The following CDH4 variants were observed in gnomAD, a reference collection of about 807,000 sequenced individuals.
CDH4 encodes cadherin-4.
CDH4 carries 33 observed loss-of-function variants against 86.0 expected under a neutral mutation model. The observed-to-expected ratio is 0.38, with a 90% CI of 0.29 to 0.51. The LOEUF is 0.51. CDH4 is among the 20% of genes least tolerant of loss of function. The pLI is 0.86. For missense variants in CDH4, 1,114 were observed against 1,307.4 expected (o/e 0.85, Z 2.28); for synonymous variants, 555 against 549.4 (o/e 1.01, Z -0.14).
chr20:61,714,236 C>T (rs193017014), intron 2 of CDH4, among the ~76,000 whole-genome samples: 7 of 151,660 alleles, frequency 4.6e-5, no homozygotes, highest in African/African-American at 7.3e-5. Flanking sequence ...TTAGTAGAGA[C>T]GGGGTTTCAC....
Position 61,565,222 on chromosome 20 carries a change from A to AT in CDH4, c.170-178341_170-178340insT, listed in dbSNP as rs2086268508. Among the ~76,000 whole-genome samples, 39 of 10,708 alleles carry AT rather than the reference A, an allele frequency of 3.6e-3. 3 individuals carry two copies. The highest frequency in any genetic ancestry group is 4.5e-3 in the Non-Finnish European group (29 of 6,388). 7.0% of individuals were successfully genotyped at this position (10,708 alleles called of 152,430 possible). A position where few individuals can be genotyped will look rare whatever the true frequency, so the allele number is the denominator to read the frequency against. The stretch of plus-strand genomic sequence containing the variant: ...TGGTGGTCGCGGTGCTCTCGGTGGT[A>AT]GGTGGTGGTGGTGGTGGTGGCGGTG... On this transcript the variant is annotated intron_variant, in intron 2 of 15. Transcript: ENST00000614565.
chr20:61,646,370 A>G (rs1449146353), intron 2 of CDH4, among the ~76,000 whole-genome samples: 1 of 152,146 alleles, frequency 6.6e-6, no homozygotes, highest in East Asian at 1.9e-4. Context: ...CTGGTCAGGC[A>G]TGTTCCTGCC....
At chr20:61,849,176 ACC>A (rs1011591171) in intron 5 of CDH4, among the ~76,000 whole-genome samples, 16 of 152,046 alleles carry the variant, frequency 1.1e-4, no homozygotes, top group African/African-American at 3.1e-4. Context: ...TCTCTGTCCC[ACC>A]GAGATGGAGG....
At chr20:61,253,109 G>A (rs1420379886) in intron 1 of CDH4, among the ~76,000 whole-genome samples, 1 of 151,574 alleles carries the variant, frequency 6.6e-6, no homozygotes, top group Non-Finnish European at 1.5e-5. Context: ...TTCTGTGGGT[G>A]CCGGCAGGAC....
chr20:61,341,647 T>C (rs1282552760), intron 2 of CDH4, among the ~76,000 whole-genome samples: 2 of 152,152 alleles, frequency 1.3e-5, no homozygotes, highest in Non-Finnish European at 2.9e-5. Context: ...CAGAAGCTCC[T>C]TCTTCTCAGA....
Position 61,709,551 on chromosome 20 carries a change from C to T in CDH4, c.170-34012C>T, listed in dbSNP as rs2087867419. Among the ~76,000 whole-genome samples, 1 of 152,090 alleles carries T rather than the reference C, an allele frequency of 6.6e-6. No homozygotes were observed. The highest frequency in any genetic ancestry group is 1.5e-5 in the Non-Finnish European group (1 of 68,034). ...TTAGCCTCCCAAAATGCTGGGATTA[C>T]AGGCATGAGCCACTGTGCCTGGCAA... On this transcript the variant is annotated intron_variant, in intron 2 of 15. Transcript: ENST00000614565. This position sits in a 1 kb window ranked among gnomAD's most constrained non-coding sequence, Gnocchi z 4.8.
intron 2 of CDH4, among the ~76,000 whole-genome samples, chr20:61,686,489 G>A (rs2087576731): frequency 6.6e-6 from 1 of 151,648 alleles, no homozygotes; most frequent in African/African-American, 2.4e-5. Context: ...GCGTGTGTGT[G>A]CATTCGCGTG....
chr20:61,738,573 G>A (rs1454618857), intron 2 of CDH4: 3 of 152,328 alleles, frequency 2.0e-5, no homozygotes, highest in Non-Finnish European at 1.5e-5. Flanking sequence ...ACCCCAGCAG[G>A]ACCTGAGGGG....
rs1204487716 is a variant in CDH4, at chr20:61,709,600, T to G, written c.170-33963T>G. ...AATTTTTGAATGACAATTTTTTTTT[T>G]TTTATCGCTGGCTAATCACAGAGTG... is the stretch of plus-strand genomic sequence containing the variant. On this transcript the variant is annotated intron_variant, in intron 2 of 15. Transcript: ENST00000614565. The surrounding 1 kb of genome is among the most constrained non-coding windows in gnomAD (Gnocchi z 4.8). Among the ~76,000 whole-genome samples, 2 of 151,882 alleles carry G rather than the reference T, an allele frequency of 1.3e-5. No individual in the cohort carries two copies. Among genetic ancestry groups the G allele is most frequent in the African/African-American group, 4.8e-5 (2 of 41,360 alleles).
Position 61,923,514 on chromosome 20 carries a change from CT to C in CDH4, c.1439del (p.Leu480ArgfsTer15). ...LTVMVSNQAP[L>X]ASGIQMSFQS... ...AGTGATGGTGTCCAACCAGGCGCCC[CT>C]GGCCAGCGGAATCCAGATGTCCTTC... On this transcript the variant is annotated frameshift_variant, in exon 10 of 16. Coordinates refer to ENST00000614565, the MANE Select transcript of CDH4 (RefSeq NM_001794.5). LOFTEE classifies it high-confidence loss of function. 6.2e-7 allele frequency: 1 copy of C among 1,614,228 alleles called. No individual in the cohort carries two copies. The highest frequency in any genetic ancestry group is 8.5e-7 in the Non-Finnish European group (1 of 1,180,042).
intron 9 of CDH4, among the ~76,000 whole-genome samples, chr20:61,914,976 C>T (rs1042570799): frequency 6.6e-6 from 1 of 152,170 alleles, no homozygotes; most frequent in Admixed American, 6.5e-5. Context: ...CTGAAACTCC[C>T]AGGGAGCCTC....
In CDH4 at chr20:61,663,528, G is replaced by A. The variant is rs561463395; in HGVS notation, c.170-80035G>A. 3.9e-5 allele frequency among the ~76,000 whole-genome samples: 6 copies of A among 152,228 alleles called. No individual in the cohort carries two copies. Among genetic ancestry groups the A allele is most frequent in the South Asian group, 4.1e-4 (2 of 4,820 alleles). ...TGCCGCCGAGTGGGTCAGAGGGGCCGGAGGAAGGTGAACAGGGCAGGGGGC... is the reference window on the plus strand; with the variant it reads ...TGCCGCCGAGTGGGTCAGAGGGGCCAGAGGAAGGTGAACAGGGCAGGGGGC... On this transcript the variant is annotated intron_variant, in intron 2 of 15. Coordinates refer to ENST00000614565, the MANE Select transcript of CDH4 (RefSeq NM_001794.5). This position sits in a 1 kb window ranked among gnomAD's most constrained non-coding sequence, Gnocchi z 5.0.
intron 2 of CDH4, among the ~76,000 whole-genome samples, chr20:61,359,470 G>C (rs993989847): frequency 2.6e-5 from 4 of 152,226 alleles, no homozygotes; most frequent in African/African-American, 7.2e-5. Flanking sequence ...AGGCCGCCTG[G>C]ACAGGAGGAG....
At chr20:61,315,970 A>G (rs896740637) in intron 2 of CDH4, among the ~76,000 whole-genome samples, 10 of 152,100 alleles carry the variant, frequency 6.6e-5, no homozygotes, top group Admixed American at 1.3e-4. Context: ...TGGGTGGAGG[A>G]CTTCCAAGGG....
intron 2 of CDH4, among the ~76,000 whole-genome samples, chr20:61,601,198 A>G (rs1419895360): frequency 7.9e-5 from 12 of 152,178 alleles, no homozygotes; most frequent in Non-Finnish European, 1.8e-4. Flanking sequence ...CAGGCACCTC[A>G]CATGGTGATA....
At chr20:61,748,123 C>T (rs2088442121) in intron 3 of CDH4, among the ~76,000 whole-genome samples, 1 of 152,144 alleles carries the variant, frequency 6.6e-6, no homozygotes, top group South Asian at 2.1e-4. Flanking sequence ...CCATTCCATG[C>T]CATTGAATGA....
chr20:61,347,401 A>G (rs929084676), intron 2 of CDH4, among the ~76,000 whole-genome samples: 1 of 152,210 alleles, frequency 6.6e-6, no homozygotes, highest in Non-Finnish European at 1.5e-5. Context: ...GCTTAAAGGA[A>G]AAACAAAACT....
intron 2 of CDH4, among the ~76,000 whole-genome samples, chr20:61,625,366 A>T (rs1231727258): frequency 6.6e-6 from 1 of 152,160 alleles, no homozygotes; most frequent in East Asian, 1.9e-4. Flanking sequence ...ATGACATCAG[A>T]AATCTCTGAC....
intron 9 of CDH4, among the ~76,000 whole-genome samples, chr20:61,916,103 A>G (rs1367440399): frequency 2.6e-5 from 4 of 151,616 alleles, no homozygotes; most frequent in Non-Finnish European, 5.9e-5. Context: ...GCCTTAGAAA[A>G]CATTTCCAAA....
Sources: gnomAD v4.1 joint callset for allele counts (sites outside exome capture counted in the v4.1 genomes callset) on GRCh38, gnomAD v4.1.1 for gene constraint, Gnocchi (gnomAD v3.1) non-coding constraint, MANE v1.5 for transcripts, NCBI Gene and HGNC (gene_info 2026-07-23, HGNC 2026-07-21) for gene names.